Variants in TMC5 observed in about 807,000 individuals in gnomAD.
TMC5 encodes the protein transmembrane channel-like protein 5.
Under a neutral mutation model 110.5 loss-of-function variants are expected in TMC5, and 86 were observed. The ratio of observed to expected loss-of-function variants is 0.78; its 90% CI spans 0.65 to 0.93. The LOEUF is 0.93. Among genes scored for constraint, TMC5 ranks in the 40% least tolerant of loss-of-function variants. The pLI is 0.00. For synonymous variants in TMC5, 455 were observed against 439.5 expected, an observed-to-expected ratio of 1.04 and a Z score of -0.44; for missense variants, 1,144 against 1,222.8, an observed-to-expected ratio of 0.94 and a Z score of 0.96.
At chr16:19,482,154 G>A (rs1395335601) in intron 15 of TMC5, among the ~76,000 whole-genome samples, 1 of 152,120 alleles carries the variant, frequency 6.6e-6, no homozygotes, top group Non-Finnish European at 1.5e-5. Context: ...CCGCCTCCTA[G>A]GTTCAAGTGA....
intron 10 of TMC5, among the ~76,000 whole-genome samples, chr16:19,470,957 AC>A (rs1957644700): frequency 2.0e-5 from 3 of 151,934 alleles, no homozygotes; most frequent in Admixed American, 2.0e-4. Flanking sequence ...AATCGCTTGA[AC>A]CCAGGAGGCA....
rs536785103 is a variant in TMC5 at position 19,429,166 on chromosome 16, C to T, written c.-307-1247C>T. On this transcript the variant is annotated intron_variant, in intron 1 of 21. Coordinates refer to ENST00000542583, the MANE Select transcript of TMC5 (RefSeq NM_001261841.2). ...CTATTCATAGGTTTGATCTTGCTGT[C>T]TTGAAACCACAGACCTTATTTTCTA... Among the ~76,000 whole-genome samples, 74 of 152,230 alleles carry T rather than the reference C, an allele frequency of 4.9e-4. 1 individual carries two copies. The highest frequency in any genetic ancestry group is 2.0e-3 in the Admixed American group (30 of 15,284).
At chr16:19,474,030 C>T (rs995889392) in intron 11 of TMC5, 95 bp from the exon 12 acceptor site, 10 of 1,236,270 alleles carry the variant, frequency 8.1e-6, no homozygotes, top group Non-Finnish European at 8.9e-6. Flanking sequence ...AGAGGAGCTA[C>T]TTCTCGGGTT....
rs573979829 is a variant in TMC5, at chr16:19,457,709, CTTTTTTTTTTTTTTTTTTTT to C, written c.1049-2511_1049-2492del. 1.6e-3 allele frequency among the ~76,000 whole-genome samples: 69 copies of C among 43,928 alleles called. 1 individual carries two copies. Among genetic ancestry groups the C allele is most frequent in the African/African-American group, 3.1e-3 (59 of 19,078 alleles). 28.8% of individuals were successfully genotyped at this position (43,928 alleles called of 152,430 possible). ...TCTATCTGATTCCCAAGACTACATT[CTTTTTTTTTTTTTTTTTTTT>C]TTTTTTTTTTTTTTGAGACAAAGTC... On this transcript the variant is annotated intron_variant, in intron 5 of 21. Coordinates refer to ENST00000542583, the MANE Select transcript of TMC5 (RefSeq NM_001261841.2).
intron 14 of TMC5, among the ~76,000 whole-genome samples, 153 bp from the exon 15 acceptor site, chr16:19,481,217 T>G (rs1417185635): frequency 6.6e-6 from 1 of 152,186 alleles, no homozygotes; most frequent in African/African-American, 2.4e-5. Flanking sequence ...AAAAACATGC[T>G]TATAGATTTA....
At chr16:19,460,019 T>G (rs930618056) in intron 5 of TMC5, among the ~76,000 whole-genome samples, 5 of 151,812 alleles carry the variant, frequency 3.3e-5, no homozygotes, top group Non-Finnish European at 7.4e-5. Context: ...AGAAAAACAC[T>G]GAATTGGAAT....
At position 19,447,020 on chromosome 16, in the gene TMC5, T is replaced by G. The variant is rs959223964; in HGVS notation, c.959-2522T>G. Among the ~76,000 whole-genome samples the G allele has an allele frequency of 3.9e-4, 59 of 151,738 alleles. 2 individuals are homozygous for G. The highest frequency in any genetic ancestry group is 7.4e-5 in the Non-Finnish European group (5 of 67,964). Reference sequence around the variant, plus strand: ...GCCTGAAAAATATTAACTGAGTTAATAACAACAACAACAACAACAACTATA... The same window carrying G: ...GCCTGAAAAATATTAACTGAGTTAAGAACAACAACAACAACAACAACTATA... On this transcript the variant is annotated intron_variant, in intron 4 of 21. Coordinates refer to ENST00000542583, the MANE Select transcript of TMC5 (RefSeq NM_001261841.2).
chr16:19,439,669 C>T (rs544541908), intron 2 of TMC5, among the ~76,000 whole-genome samples: 28 of 152,088 alleles, frequency 1.8e-4, no homozygotes, highest in Non-Finnish European at 2.9e-4. Context: ...GATGGTGCAC[C>T]GTCATTTCCG....
rs375239520 is a variant in TMC5 at position 19,474,366 on chromosome 16, GT to G, written c.2090+96del. 11,553 of 1,438,534 alleles carry G rather than the reference GT, an allele frequency of 8.0e-3. 84 individuals carry two copies. The highest frequency in any genetic ancestry group is 0.016 in the South Asian group (1,214 of 74,430). The allele number at this position is 1,438,534 out of a possible 1,614,324, so 89.1% of individuals were successfully genotyped here. A position where few individuals can be genotyped will look rare whatever the true frequency, so the allele number is the denominator to read the frequency against. On this transcript the variant is annotated intron_variant, in intron 12 of 21. Coordinates refer to ENST00000542583, the MANE Select transcript of TMC5 (RefSeq NM_001261841.2). ...GAAAGGATTATGCTTTAGTATCAAA[GT>G]TTTTTCTCCAGAGAGGAAGAATTTC...
At chr16:19,481,607 T>A in intron 15 of TMC5, 142 bp downstream of exon 15, 1 of 661,056 alleles carries the variant, frequency 1.5e-6, no homozygotes, top group Admixed American at 2.5e-5. Flanking sequence ...ACCATGAATT[T>A]AGCATTTAGA....
intron 6 of TMC5, among the ~76,000 whole-genome samples, chr16:19,463,021 C>G (rs112378903): frequency 6.6e-6 from 1 of 152,096 alleles, no homozygotes; most frequent in African/African-American, 2.4e-5. Flanking sequence ...GTAATCCCCC[C>G]ACCACAGCCT....
In TMC5 at chr16:19,481,358, A is replaced by G; in HGVS notation, c.2268-12A>G. On this transcript the variant is annotated splice_polypyrimidine_tract_variant and intron_variant, in intron 14 of 21. Coordinates refer to ENST00000542583, the MANE Select transcript of TMC5 (RefSeq NM_001261841.2). The stretch of plus-strand genomic sequence containing the variant: ...TTATGGTTTGGGTACTAAACTCAGT[A>G]TGTTTTCACAGAATCATTGGGATGC... 6.3e-7 allele frequency: 1 copy of G among 1,599,474 alleles called. No individual in the cohort carries two copies. The highest frequency in any genetic ancestry group is 1.3e-5 in the African/African-American group (1 of 74,706).
At chr16:19,461,654 C>T (rs1003434032) in intron 6 of TMC5, among the ~76,000 whole-genome samples, 3 of 151,832 alleles carry the variant, frequency 2.0e-5, no homozygotes, top group African/African-American at 7.3e-5. Flanking sequence ...ATTCAAAACC[C>T]GAGGGTAAGG....
At chr16:19,442,613 G>A (rs576241887) in intron 3 of TMC5, among the ~76,000 whole-genome samples, 1 of 152,336 alleles carries the variant, frequency 6.6e-6, no homozygotes, top group East Asian at 1.9e-4. Context: ...ACAGGCATGA[G>A]CCACTGTGCC....
intron 5 of TMC5, among the ~76,000 whole-genome samples, chr16:19,451,034 C>T (rs867615590): frequency 1.3e-5 from 2 of 151,924 alleles, no homozygotes; most frequent in African/African-American, 2.4e-5. Context: ...TTTGGGAGAC[C>T]GAGGCGGTAG....
intron 1 of TMC5, among the ~76,000 whole-genome samples, chr16:19,427,817 C>A (rs1461242402): frequency 6.6e-6 from 1 of 151,346 alleles, no homozygotes; most frequent in Non-Finnish European, 1.5e-5. Context: ...GTCGCCCCCA[C>A]TTGAGAACCA....
At chr16:19,463,627 T>C (rs572944123) in intron 7 of TMC5, 149 bp from the exon 8 acceptor site, 5 of 1,098,476 alleles carry the variant, frequency 4.6e-6, no homozygotes, top group Admixed American at 2.3e-5. Flanking sequence ...CACCTTAGAG[T>C]TGACATAACA....
chr16:19,496,863 C>A (rs2143786848), intron 20 of TMC5, among the ~76,000 whole-genome samples: 1 of 128,486 alleles, frequency 7.8e-6, no homozygotes, highest in Non-Finnish European at 1.5e-5. Flanking sequence ...CCACTCCAGT[C>A]TAGGAGATAA....
At chr16:19,448,611 C>A (rs1044223720) in intron 4 of TMC5, among the ~76,000 whole-genome samples, 2 of 147,744 alleles carry the variant, frequency 1.4e-5, no homozygotes, top group African/African-American at 2.5e-5. Flanking sequence ...AGAGTGAGAA[C>A]CTGTCTTAAA....
Sources: allele counts gnomAD v4.1 joint callset (sites outside exome capture counted in the v4.1 genomes callset), GRCh38; gene constraint gnomAD v4.1.1; transcripts MANE v1.5; gene names NCBI Gene and HGNC (gene_info 2026-07-23, HGNC 2026-07-21).